SWT1: variants seen among roughly 807,000 people sequenced by gnomAD.
SWT1 encodes SWT1 RNA endoribonuclease homolog.
In SWT1, 33 loss-of-function variants were observed where a neutral mutation model predicts 107.3. That is an observed-to-expected ratio of 0.31 (90% confidence interval 0.23 to 0.41). SWT1 has a LOEUF of 0.41. Ranked by LOEUF, SWT1 falls within the 10% of genes least tolerant of loss-of-function variation. The pLI, the probability that SWT1 is intolerant of heterozygous loss-of-function variation, is 1.00. For synonymous variants in SWT1, 345 were observed against 348.3 expected (o/e 0.99, Z 0.11); for missense variants, 898 against 1,028.9 (o/e 0.87, Z 1.74).
intron 15 of SWT1, among the ~76,000 whole-genome samples, chr1:185,228,928 G>A (rs969209785): frequency 1.3e-5 from 2 of 152,174 alleles, no homozygotes; most frequent in Non-Finnish European, 2.9e-5. Context: ...CTGAAAGAAG[G>A]CCAGTGTGGC....
chr1:185,188,435 A>G (rs1427321116), intron 9 of SWT1, among the ~76,000 whole-genome samples: 1 of 152,150 alleles, frequency 6.6e-6, no homozygotes, highest in Non-Finnish European at 1.5e-5. Context: ...CATGGCATTT[A>G]CCCTCTGAAT....
At chr1:185,209,223 T>C (rs756769051) in intron 13 of SWT1, among the ~76,000 whole-genome samples, 1 of 152,014 alleles carries the variant, frequency 6.6e-6, no homozygotes, top group Non-Finnish European at 1.5e-5. Flanking sequence ...CAGTTTCTTA[T>C]TTATTTATTT....
At chr1:185,255,154 A>T (rs1046257768) in intron 16 of SWT1, among the ~76,000 whole-genome samples, 10 of 152,150 alleles carry the variant, frequency 6.6e-5, no homozygotes, top group African/African-American at 2.4e-4. Flanking sequence ...ACAGTTTGTT[A>T]TAATTTCTGT....
chr1:185,164,469 A>G (rs1476456656), intron 2 of SWT1, among the ~76,000 whole-genome samples: 3 of 152,248 alleles, frequency 2.0e-5, no homozygotes, highest in Non-Finnish European at 4.4e-5. Flanking sequence ...ATCTTTCAAT[A>G]TAAGACTGTT....
intron 18 of SWT1, among the ~76,000 whole-genome samples, chr1:185,285,141 C>T (rs1647538421): frequency 6.6e-6 from 1 of 152,072 alleles, no homozygotes; most frequent in Non-Finnish European, 1.5e-5. Context: ...TGCTTCTAGC[C>T]CTTCCTCCTC....
intron 10 of SWT1, among the ~76,000 whole-genome samples, chr1:185,193,651 G>C (rs1205471552): frequency 1.3e-5 from 2 of 151,996 alleles, no homozygotes; most frequent in East Asian, 3.9e-4. Flanking sequence ...ATTTTTAGTA[G>C]AGACAGGGTT....
chr1:185,179,888 G>T (rs1655876088), intron 5 of SWT1, among the ~76,000 whole-genome samples: 1 of 152,170 alleles, frequency 6.6e-6, no homozygotes, highest in Non-Finnish European at 1.5e-5. Context: ...ATTTTCGATT[G>T]TCAAGATTGA....
intron 16 of SWT1, among the ~76,000 whole-genome samples, chr1:185,232,661 T>G (rs1351513381): frequency 1.3e-5 from 2 of 152,170 alleles, no homozygotes; most frequent in African/African-American, 4.8e-5. Flanking sequence ...CAAAGCAGTT[T>G]CCATTTTATC....
At chr1:185,286,671 A>G (rs1664967906) in intron 18 of SWT1, among the ~76,000 whole-genome samples, 1 of 152,112 alleles carries the variant, frequency 6.6e-6, no homozygotes, top group South Asian at 2.1e-4. Context: ...GATCTTTTAC[A>G]TTGCAACTTT....
intron 16 of SWT1, among the ~76,000 whole-genome samples, chr1:185,243,645 C>T (rs1194487975): frequency 3.3e-5 from 5 of 152,132 alleles, no homozygotes; most frequent in African/African-American, 4.8e-5. Context: ...CATTTTGATG[C>T]GCCAATCCCT....
At chr1:185,170,719 C>T (rs1194564513) in intron 4 of SWT1, among the ~76,000 whole-genome samples, 1 of 152,196 alleles carries the variant, frequency 6.6e-6, no homozygotes, top group Non-Finnish European at 1.5e-5. Context: ...GACTTTTTAA[C>T]AGTCGTTGTC....
intron 3 of SWT1, among the ~76,000 whole-genome samples, chr1:185,167,764 C>T (rs773480551): frequency 6.6e-6 from 1 of 152,046 alleles, no homozygotes; most frequent in African/African-American, 2.4e-5. Context: ...TACCAGTTAT[C>T]CTCAGTTTCT....
At chr1:185,255,642 C>T (rs1212322270) in intron 16 of SWT1, among the ~76,000 whole-genome samples, 1 of 127,234 alleles carries the variant, frequency 7.9e-6, no homozygotes, top group African/African-American at 3.4e-5. Context: ...GGTAGATCTT[C>T]CTCCATCCTT....
At chr1:185,286,613 C>G (rs950346351) in intron 18 of SWT1, among the ~76,000 whole-genome samples, 7 of 152,038 alleles carry the variant, frequency 4.6e-5, no homozygotes, top group African/African-American at 1.7e-4. Context: ...ATTTCCTTTT[C>G]TGCTTGTTCA....
intron 14 of SWT1, among the ~76,000 whole-genome samples, chr1:185,220,903 G>A (rs187236473): frequency 5.2e-4 from 79 of 152,332 alleles, no homozygotes; most frequent in Middle Eastern, 3.4e-3. Flanking sequence ...ACATCAAATA[G>A]TATTTCCATC....
chr1:185,223,760 GT>G (rs1659849594), intron 15 of SWT1, among the ~76,000 whole-genome samples: 1 of 152,126 alleles, frequency 6.6e-6, no homozygotes, highest in South Asian at 2.1e-4. Context: ...ATTAGGCCTA[GT>G]ACCCATTAAT....
chr1:185,277,579 C>T (rs764195480), intron 18 of SWT1, among the ~76,000 whole-genome samples: 15 of 152,122 alleles, frequency 9.9e-5, no homozygotes, highest in Non-Finnish European at 1.5e-4. Context: ...CTTGAGCCAC[C>T]GCACCTGGCC....
intron 16 of SWT1, among the ~76,000 whole-genome samples, chr1:185,268,405 C>T (rs1416578262): frequency 2.0e-5 from 3 of 152,146 alleles, no homozygotes; most frequent in African/African-American, 4.8e-5. Context: ...GAAGAGATGG[C>T]CAGACGGACA....
intron 16 of SWT1, among the ~76,000 whole-genome samples, chr1:185,243,912 C>T (rs953260448): frequency 4.6e-5 from 7 of 152,090 alleles, no homozygotes; most frequent in Middle Eastern, 3.4e-3. Flanking sequence ...AGTGACTTTA[C>T]GCAGATTTTA....
Sources: allele counts gnomAD v4.1 joint callset (sites outside exome capture counted in the v4.1 genomes callset), GRCh38; gene constraint gnomAD v4.1.1; transcripts MANE v1.5; gene names NCBI Gene and HGNC (gene_info 2026-07-23, HGNC 2026-07-21).